The following F11R variants were observed in gnomAD, a reference collection of about 807,000 sequenced individuals.
F11R encodes the protein junctional adhesion molecule A.
Under a neutral mutation model 39.3 loss-of-function variants are expected in F11R, and 27 were observed. That is an observed-to-expected ratio of 0.69 (90% CI 0.51 to 0.95). The LOEUF (loss-of-function observed/expected upper bound fraction) is 0.95. Ranked by LOEUF, F11R falls within the 40% of genes least tolerant of loss-of-function variation. The pLI is 0.00. For synonymous variants in F11R, 131 were observed against 144.9 expected, an observed-to-expected ratio of 0.90 and a Z score of 0.69; for missense variants, 335 against 372.7, an observed-to-expected ratio of 0.90 and a Z score of 0.83.
intron 1 of F11R, among the ~76,000 whole-genome samples, chr1:161,016,534 G>A (rs891923703): frequency 6.6e-6 from 1 of 152,130 alleles, no homozygotes; most frequent in Non-Finnish European, 1.5e-5. Flanking sequence ...GCGCGTGCCT[G>A]TAGTCCCAGC....
intron 1 of F11R, among the ~76,000 whole-genome samples, chr1:161,005,017 CA>C (rs1648723199): frequency 6.6e-6 from 1 of 151,576 alleles, no homozygotes; most frequent in Non-Finnish European, 1.5e-5. Flanking sequence ...AAAAACCAGC[CA>C]GGGGTGGTGG....
Position 161,001,329 on chromosome 1 carries a change from G to GT in F11R, c.88dup (p.Thr30AsnfsTer6). On this transcript the variant is annotated frameshift_variant, in exon 2 of 10. Transcript: ENST00000368026. LOFTEE classifies it high-confidence loss of function. ...GACTTCAGGTTCAGAAGAGTGCACTGTAACACTGCCCAATGCCAGGGAGCC... is the reference window on the plus strand; with the variant it reads ...GACTTCAGGTTCAGAAGAGTGCACTGTTAACACTGCCCAATGCCAGGGAGCC... 6.2e-7 allele frequency: 1 copy of GT among 1,614,094 alleles called. No homozygotes were observed. The highest frequency in any genetic ancestry group is 8.5e-7 in the Non-Finnish European group (1 of 1,179,998).
At chr1:161,011,869 C>G (rs868378290) in intron 1 of F11R, among the ~76,000 whole-genome samples, 1 of 152,032 alleles carries the variant, frequency 6.6e-6, no homozygotes, top group African/African-American at 2.4e-5. Context: ...TCTCCATAGT[C>G]CTTTGCATTT....
intron 1 of F11R, among the ~76,000 whole-genome samples, chr1:161,017,011 G>C (rs1649499009): frequency 6.6e-6 from 1 of 152,166 alleles, no homozygotes. Context: ...CAAACTCAGG[G>C]TTAAATGGAT....
rs1648083594 is a variant in F11R at position 160,995,784 on chromosome 1, T to A, written c.*3087A>T. 1 of 151,850 alleles carries A rather than the reference T, an allele frequency of 6.6e-6. No homozygotes were observed. The highest frequency in any genetic ancestry group is 1.5e-5 in the Non-Finnish European group (1 of 67,972). The allele number at this position is 151,850 out of a possible 1,614,324, so 9.4% of individuals were successfully genotyped here. On this transcript the variant is annotated 3_prime_UTR_variant, in exon 10 of 10. Coordinates refer to ENST00000368026, the MANE Select transcript of F11R (RefSeq NM_016946.6). Reference sequence around the variant, plus strand: ...ACACACACACACACAAAAATGGTGATGTGTTAATTGACCATGGCAATCATT... The same window carrying A: ...ACACACACACACACAAAAATGGTGAAGTGTTAATTGACCATGGCAATCATT...
chr1:160,999,918 A>G lies in F11R; in HGVS notation c.652T>C (p.Tyr218His). ...GCATTTGAAGTCATGGGTGTCCCAT[A>G]CCCATTCCGTGCCTCACAGCTGTAT... ...GEYSCEARNG[Y>H]GTPMTSNAVR... is the part of the protein sequence containing the mutation. Residue 218 changes from tyrosine (Y) to histidine (H), a missense_variant, in exon 6 of 10, where the codon TAT becomes CAT. Coordinates refer to ENST00000368026, the MANE Select transcript of F11R (RefSeq NM_016946.6). 2.5e-6 allele frequency: 4 copies of G among 1,614,210 alleles called. No individual in the cohort carries two copies. The highest frequency in any genetic ancestry group is 3.4e-6 in the Non-Finnish European group (4 of 1,180,034).
intron 1 of F11R, among the ~76,000 whole-genome samples, chr1:161,012,333 G>A (rs375867650): frequency 1.2e-3 from 177 of 152,296 alleles, no homozygotes; most frequent in African/African-American, 4.1e-3. Flanking sequence ...GCCAGGTGCA[G>A]TGCAGCAGCT....
rs1471111772 is a variant in F11R at position 161,000,276 on chromosome 1, G to A, written c.461C>T (p.Ser154Leu). 1.9e-6 allele frequency: 3 copies of A among 1,614,132 alleles called. No individual in the cohort carries two copies. In the Middle Eastern group the frequency reaches 5.0e-4, roughly 267 times the overall value. ...TIGNRAVLTC[S>L]EQDGSPPSEY... Reference sequence around the variant, plus strand: ...AGAAGGTGGGGAACCATCTTGTTCTGAGCATGTCAGCACTGCCCGGTTCCC... The same window carrying A: ...AGAAGGTGGGGAACCATCTTGTTCTAAGCATGTCAGCACTGCCCGGTTCCC... The change falls in exon 5 of 10, where the codon TCA (serine) becomes TTA (leucine). Residue 154 changes from serine (S) to leucine (L), a missense_variant. Coordinates refer to ENST00000368026, the MANE Select transcript of F11R (RefSeq NM_016946.6).
intron 1 of F11R, among the ~76,000 whole-genome samples, chr1:161,012,600 T>TTA (rs1553211044): frequency 2.3e-4 from 33 of 144,230 alleles, no homozygotes; most frequent in African/African-American, 7.1e-4. Flanking sequence ...AATTAATTAA[T>TTA]TTTATTTATT....
At chr1:161,008,498 T>C (rs1648952040) in intron 1 of F11R, among the ~76,000 whole-genome samples, 1 of 150,446 alleles carries the variant, frequency 6.6e-6, no homozygotes, top group South Asian at 2.1e-4. Context: ...CGAGACCCCG[T>C]CTCAAAAAAA....
At chr1:161,010,185 C>T (rs13374126) in intron 1 of F11R, among the ~76,000 whole-genome samples, 8 of 151,886 alleles carry the variant, frequency 5.3e-5, no homozygotes, top group African/African-American at 9.6e-5. Context: ...GTGGCTCACA[C>T]GTGTAATCCC....
At position 161,012,546 on chromosome 1, in the gene F11R, AAAAG is replaced by A. The variant is rs1649219619; in HGVS notation, c.64+8460_64+8463del. Among the ~76,000 whole-genome samples, 3 of 151,916 alleles carry A rather than the reference AAAAG, an allele frequency of 2.0e-5. No individual in the cohort carries two copies. In the South Asian group the frequency reaches 6.2e-4, roughly 31 times the overall value. ...GAGAGGCTCTGATCTCTATAAAAAT[AAAAG>A]AAAAAAAGAATTTTCCTTGAGTTGC... On this transcript the variant is annotated intron_variant, in intron 1 of 9. Transcript: ENST00000368026.
rs969065633 is a variant in F11R, at chr1:161,021,140, C to T, written c.-67G>A. The stretch of plus-strand genomic sequence containing the variant: ...GGGAACAGACACAGCTCCGCGACTA[C>T]AGCGAGGGGACTGAGAGCCAGCCGC... On this transcript the variant is annotated 5_prime_UTR_variant, in exon 1 of 10. Transcript: ENST00000368026. The T allele has an allele frequency of 1.4e-6, 2 of 1,463,592 alleles. No homozygotes were observed. The highest frequency in any genetic ancestry group is 1.9e-6 in the Non-Finnish European group (2 of 1,050,442). 90.7% of individuals were successfully genotyped at this position (1,463,592 alleles called of 1,614,324 possible).
intron 1 of F11R, among the ~76,000 whole-genome samples, chr1:161,019,901 G>A (rs1649660752): frequency 6.6e-6 from 1 of 152,180 alleles, no homozygotes; most frequent in African/African-American, 2.4e-5. Flanking sequence ...AAGGGTTTAT[G>A]TTGTGATAAG....
chr1:161,006,249 A>G (rs922117447), intron 1 of F11R, among the ~76,000 whole-genome samples: 52 of 151,960 alleles, frequency 3.4e-4, no homozygotes, highest in African/African-American at 1.2e-3. Context: ...CCTCTGTCCA[A>G]CTTTGCTTCC....
chr1:161,014,959 T>G (rs2101987874), intron 1 of F11R, among the ~76,000 whole-genome samples: 1 of 149,166 alleles, frequency 6.7e-6, no homozygotes, highest in South Asian at 2.1e-4. Context: ...GTGCCTGTAG[T>G]CCCAGCTACT....
intron 1 of F11R, among the ~76,000 whole-genome samples, chr1:161,003,167 A>T (rs1425473187): frequency 7.3e-6 from 1 of 137,034 alleles, no homozygotes; most frequent in African/African-American, 2.8e-5. Flanking sequence ...CTTGTTGCCC[A>T]GGCTGGAGTG....
In F11R at chr1:161,001,446, T is replaced by C. The variant is rs147579124; in HGVS notation, c.65-93A>G. 319 of 1,036,334 alleles carry C rather than the reference T, an allele frequency of 3.1e-4. 2 individuals carry two copies. In the East Asian group the frequency reaches 7.1e-3, roughly 23 times the overall value. 64.2% of individuals were successfully genotyped at this position (1,036,334 alleles called of 1,614,324 possible). A position where few individuals can be genotyped will look rare whatever the true frequency, so the allele number is the denominator to read the frequency against. On this transcript the variant is annotated intron_variant, in intron 1 of 9. Coordinates refer to ENST00000368026, the MANE Select transcript of F11R (RefSeq NM_016946.6). ...AGACCCAGTGGACAGGGCTTCTCCA[T>C]TCACAGACCCTAAGAGGAAGGGATT...
At chr1:161,019,380 GAGAGCAGGAATTCA>G (rs1649625820) in intron 1 of F11R, among the ~76,000 whole-genome samples, 1 of 152,160 alleles carries the variant, frequency 6.6e-6, no homozygotes, top group South Asian at 2.1e-4. Context: ...TGGATCACCT[GAGAGCAGGAATTCA>G]AGACCAGCCC....
Sources: gnomAD v4.1 joint callset for allele counts (sites outside exome capture counted in the v4.1 genomes callset) on GRCh38, gnomAD v4.1.1 for gene constraint, MANE v1.5 for transcripts, NCBI Gene and HGNC (gene_info 2026-07-23, HGNC 2026-07-21) for gene names.